The following LINC00632 variants were observed in gnomAD, a reference collection of about 807,000 sequenced individuals.
The protein encoded by LINC00632 is ALDOA related specific transcript.
chrX:140,775,572 C>G (rs908239534), exon 5 of LINC00632, among the ~76,000 whole-genome samples: 4 of 111,806 alleles, frequency 3.6e-5, no homozygotes, highest in African/African-American at 1.3e-4. Flanking sequence ...GTCTTAATTG[C>G]TGTTTGTGCC....
At chrX:140,759,901 G>GA (rs1387318904) in intron 3 of LINC00632, among the ~76,000 whole-genome samples, 2 of 111,468 alleles carry the variant, frequency 1.8e-5, no homozygotes, top group African/African-American at 3.3e-5. Context: ...TCACAAGGAA[G>GA]AAAAAAATTG....
At chrX:140,733,277 T>C (rs1931089016) in intron 2 of LINC00632, among the ~76,000 whole-genome samples, 1 of 112,211 alleles carries the variant, frequency 8.9e-6, no homozygotes, top group South Asian at 3.6e-4. Context: ...TAGCATCACA[T>C]GGAATCACAG....
At chrX:140,739,531 C>T (rs778946644) in intron 3 of LINC00632, among the ~76,000 whole-genome samples, 1 of 111,281 alleles carries the variant, frequency 9.0e-6, no homozygotes, top group Admixed American at 9.6e-5. Flanking sequence ...ACATGTGAAA[C>T]TTTTTTATGT....
intron 3 of LINC00632, among the ~76,000 whole-genome samples, chrX:140,771,362 A>C (rs1167758048): frequency 9.2e-6 from 1 of 108,161 alleles, no homozygotes. Context: ...CTAAAATGTT[A>C]ACAGTACCTA....
intron 2 of LINC00632, among the ~76,000 whole-genome samples, chrX:140,722,076 T>C (rs1307515064): frequency 2.7e-5 from 3 of 111,416 alleles, no homozygotes. Flanking sequence ...AGCATCTTTT[T>C]GCTTTCACAA....
chrX:140,739,531 C>A (rs778946644), intron 3 of LINC00632, among the ~76,000 whole-genome samples: 1 of 111,280 alleles, frequency 9.0e-6, no homozygotes, highest in African/African-American at 3.3e-5. Flanking sequence ...ACATGTGAAA[C>A]TTTTTTATGT....
chrX:140,737,816 A>G (rs1444075750), intron 3 of LINC00632, among the ~76,000 whole-genome samples: 1 of 111,759 alleles, frequency 8.9e-6, no homozygotes, highest in Non-Finnish European at 1.9e-5. Context: ...CCTTTTTATG[A>G]CCCAGTAGTA....
chrX:140,750,003 A>T (rs941582490), intron 3 of LINC00632, among the ~76,000 whole-genome samples: 1 of 110,946 alleles, frequency 9.0e-6, no homozygotes, highest in African/African-American at 3.3e-5. Flanking sequence ...CCAAGTTTGG[A>T]AGTTTTAAAA....
At chrX:140,730,067 G>T (rs1931033157) in intron 2 of LINC00632, among the ~76,000 whole-genome samples, 1 of 109,774 alleles carries the variant, frequency 9.1e-6, no homozygotes, top group Admixed American at 9.7e-5. Context: ...AGTAGAGACG[G>T]GGTTTTACCA....
chrX:140,718,890 T>C (rs1222049747), intron 2 of LINC00632, among the ~76,000 whole-genome samples: 2 of 111,703 alleles, frequency 1.8e-5, no homozygotes, highest in African/African-American at 6.5e-5. Context: ...TACACATACG[T>C]GCTCTACAAT....
At chrX:140,722,506 C>A (rs749975408) in intron 2 of LINC00632, among the ~76,000 whole-genome samples, 1 of 110,920 alleles carries the variant, frequency 9.0e-6, no homozygotes, top group African/African-American at 3.3e-5. Context: ...TTTTACAGTG[C>A]GAAGACTCGC....
chrX:140,774,046 T>C (rs1397905685), exon 4 of LINC00632, among the ~76,000 whole-genome samples: 1 of 112,434 alleles, frequency 8.9e-6, no homozygotes, highest in Non-Finnish European at 1.9e-5. Context: ...ATTGAAAATA[T>C]TGTAACATCT....
At chrX:140,731,885 C>T (rs1931062592) in intron 2 of LINC00632, among the ~76,000 whole-genome samples, 1 of 111,019 alleles carries the variant, frequency 9.0e-6, no homozygotes, top group Admixed American at 9.7e-5. Flanking sequence ...AGGATTTCAC[C>T]CACTTAAATG....
chrX:140,772,948 T>C (rs1931824579), exon 4 of LINC00632, among the ~76,000 whole-genome samples: 1 of 111,736 alleles, frequency 8.9e-6, no homozygotes, highest in African/African-American at 3.3e-5. Flanking sequence ...GGTGGATCAC[T>C]TGAGGTCTGG....
At chrX:140,726,905 C>T (rs1930972889) in intron 2 of LINC00632, among the ~76,000 whole-genome samples, 1 of 111,958 alleles carries the variant, frequency 8.9e-6, no homozygotes, top group African/African-American at 3.2e-5. Context: ...CTCCCCATCA[C>T]CCGCTGCCAG....
At chrX:140,771,098 T>A (rs1044593010) in intron 3 of LINC00632, among the ~76,000 whole-genome samples, 13 of 110,986 alleles carry the variant, frequency 1.2e-4, no homozygotes, top group South Asian at 3.8e-4. Context: ...TCCAACACCA[T>A]TTTTTGAGTA....
exon 5 of LINC00632, among the ~76,000 whole-genome samples, chrX:140,789,792 T>C (rs1932080081): frequency 8.9e-6 from 1 of 111,757 alleles, no homozygotes; most frequent in Non-Finnish European, 1.9e-5. Context: ...TCTTTTGTTG[T>C]GTCATTTGTC....
chrX:140,784,510 C>T (rs942394918), exon 5 of LINC00632: 6 of 655,970 alleles, frequency 9.1e-6, no homozygotes, highest in African/African-American at 4.4e-5. Context: ...AACATCTCCA[C>T]GTCTTCCAGC....
rs954182144 is a variant in LINC00632 at position 140,713,275 on chromosome X, G to T, written n.104+1619G>T. ...TATATGCTCACCAGTGACCACGAAG[G>T]CTTTCTAAGGTTTGAGGCCACCGAT... is the stretch of plus-strand genomic sequence containing the variant. On this transcript the variant is annotated intron_variant and non_coding_transcript_variant, in intron 2 of 4. Coordinates refer to ENST00000648200, the Ensembl canonical transcript of LINC00632. 2.7e-5 allele frequency among the ~76,000 whole-genome samples: 3 copies of T among 110,070 alleles called. No individual in the cohort carries two copies. The Admixed American group carries it at 2.9e-4, about 11-fold the overall frequency.
Sources: allele counts gnomAD v4.1 joint callset (sites outside exome capture counted in the v4.1 genomes callset), GRCh38; gene constraint gnomAD v4.1.1; transcripts MANE v1.5; gene names NCBI Gene and HGNC (gene_info 2026-07-23, HGNC 2026-07-21).